The following SLC6A20 variants were observed in gnomAD, a reference collection of about 807,000 sequenced individuals.
SLC6A20 encodes sodium- and chloride-dependent transporter XTRP3.
Under a neutral mutation model 64.3 loss-of-function variants are expected in SLC6A20, and 73 were observed. The observed-to-expected ratio is 1.14, with a 90% confidence interval of 0.94 to 1.38. SLC6A20 has a LOEUF of 1.38. Ranked by LOEUF, SLC6A20 falls within the 40% of genes most tolerant of loss-of-function variation. The pLI, the probability that SLC6A20 is intolerant of heterozygous loss-of-function variation, is 0.00. For missense variants in SLC6A20, 725 were observed against 772.8 expected (o/e 0.94, Z 0.73); for synonymous variants, 347 against 329.6 (o/e 1.05, Z -0.57).
chr3:45,773,965 A>G (rs778036620), intron 4 of SLC6A20, among the ~76,000 whole-genome samples: 13 of 152,266 alleles, frequency 8.5e-5, no homozygotes, highest in Non-Finnish European at 1.6e-4. Context: ...CCTTAGGGCC[A>G]GCCCCGAGAA....
intron 7 of SLC6A20, 59 bp downstream of exon 7, chr3:45,770,150 C>T (rs1397645741): frequency 1.3e-6 from 2 of 1,599,608 alleles, no homozygotes; most frequent in Admixed American, 1.7e-5. Flanking sequence ...AGCAGCTCAC[C>T]AAGGTTCCCA....
intron 2 of SLC6A20, 53 bp from the exon 3 acceptor site, chr3:45,780,153 C>G: frequency 6.5e-7 from 1 of 1,526,962 alleles, no homozygotes; most frequent in Non-Finnish European, 8.9e-7. Flanking sequence ...CTTCCCCCTC[C>G]GCCAGGCCCA....
In SLC6A20 at chr3:45,759,042, AG is replaced by A; in HGVS notation, c.1714del (p.Leu572TrpfsTer49). On this transcript the variant is annotated frameshift_variant, in exon 11 of 11. Transcript: ENST00000358525. LOFTEE classifies it low-confidence loss of function (END_TRUNC). ...LVASSTMCIP[L>X]AALGTFVQRR... The stretch of plus-strand genomic sequence containing the variant: ...CTGAACAAAAGTCCCCAGGGCCGCC[AG>A]GGGGATGCACATGGTGGAGGAGGCC... 1 of 1,612,430 alleles carries A rather than the reference AG, an allele frequency of 6.2e-7. No individual in the cohort carries two copies. Among genetic ancestry groups the A allele is most frequent in the Non-Finnish European group, 8.5e-7 (1 of 1,179,430 alleles).
chr3:45,759,335 A>G (rs1411065626), intron 10 of SLC6A20, among the ~76,000 whole-genome samples: 3 of 152,328 alleles, frequency 2.0e-5, no homozygotes, highest in African/African-American at 7.2e-5. Context: ...TCCATAAACT[A>G]GGAATAATAG....
intron 4 of SLC6A20, among the ~76,000 whole-genome samples, chr3:45,773,112 C>A (rs1052374945): frequency 6.6e-6 from 1 of 151,942 alleles, no homozygotes; most frequent in South Asian, 2.1e-4. Flanking sequence ...GGCCTACACA[C>A]AAAGCAGGAA....
intron 1 of SLC6A20, among the ~76,000 whole-genome samples, chr3:45,785,637 C>CTCTCAA (rs1700158251): frequency 6.6e-6 from 1 of 151,766 alleles, no homozygotes; most frequent in Non-Finnish European, 1.5e-5. Flanking sequence ...CTCTCTCTCT[C>CTCTCAA]TCTCTCTCTT....
Position 45,765,577 on chromosome 3 carries a change from GCTGT to G in SLC6A20, c.1259_1262del (p.Asp420AlafsTer66), listed in dbSNP as rs1255784069. 6.2e-7 allele frequency: 1 copy of G among 1,614,086 alleles called. No individual in the cohort carries two copies. The highest frequency in any genetic ancestry group is 8.5e-7 in the Non-Finnish European group (1 of 1,179,994). On this transcript the variant is annotated frameshift_variant, in exon 8 of 11. Transcript: ENST00000358525. LOFTEE classifies it high-confidence loss of function. This position sits in a 1 kb window ranked among gnomAD's most constrained non-coding sequence, Gnocchi z 4.2. ...TGGGCAGGTGGCTGGAGATGATCTT[GCTGT>G]CTGTCAGAGGGGTGAGGATGGCCGC...
At chr3:45,790,497 C>G (rs1407311374) in intron 1 of SLC6A20, 3 of 152,170 alleles carry the variant, frequency 2.0e-5, no homozygotes, top group Admixed American at 1.3e-4. Flanking sequence ...CCAAAAGTTT[C>G]CCATTTGGAG....
At chr3:45,772,692 C>T (rs1699896798) in intron 4 of SLC6A20, 77 bp from the exon 5 acceptor site, 2 of 1,181,104 alleles carry the variant, frequency 1.7e-6, no homozygotes, top group East Asian at 5.0e-5. Context: ...CATGGAACAC[C>T]ACATCTGGGG....
At chr3:45,775,494 T>C (rs897212706) in intron 4 of SLC6A20, among the ~76,000 whole-genome samples, 4 of 152,122 alleles carry the variant, frequency 2.6e-5, no homozygotes, top group African/African-American at 9.7e-5. Context: ...GGCTGACTGC[T>C]ACAGAAAAAC....
rs1699637465 is a variant in SLC6A20 at position 45,759,929 on chromosome 3, G to A, written c.1557C>T (p.Ser519=). 1.2e-6 allele frequency: 2 copies of A among 1,614,160 alleles called. No individual in the cohort carries two copies. Among genetic ancestry groups the A allele is most frequent in the Non-Finnish European group, 1.7e-6 (2 of 1,180,030 alleles). ...WAGVSPLLIV[S]LFVFYLSDYI... ...AGTCGCTCAGGTAGAAGACAAAGAG[G>A]CTGACAATCAGCAGTGGGCTTACGC... The change falls in exon 10 of 11, where the codon AGC becomes AGT. Residue 519 remains serine, a synonymous_variant. Coordinates refer to ENST00000358525, the MANE Select transcript of SLC6A20 (RefSeq NM_020208.4).
At chr3:45,769,882 A>G (rs1575427481) in intron 7 of SLC6A20, among the ~76,000 whole-genome samples, 1 of 152,190 alleles carries the variant, frequency 6.6e-6, no homozygotes, top group Non-Finnish European at 1.5e-5. Context: ...CAAAATGACA[A>G]AATGTTTACA....
intron 4 of SLC6A20, among the ~76,000 whole-genome samples, chr3:45,774,404 A>C (rs1302849570): frequency 2.0e-5 from 3 of 152,180 alleles, no homozygotes; most frequent in African/African-American, 7.2e-5. Context: ...AAATTACAAA[A>C]ACATTTTTTA....
At chr3:45,796,254 A>G (rs960481673) in intron 1 of SLC6A20, 45 bp downstream of exon 1, 1 of 1,558,972 alleles carries the variant, frequency 6.4e-7, no homozygotes, top group Non-Finnish European at 8.7e-7. Context: ...CACGGCGGGG[A>G]CGCGCACAGA....
chr3:45,771,843 G>T, intron 5 of SLC6A20: 1 of 243,438 alleles, frequency 4.1e-6, no homozygotes, highest in Non-Finnish European at 8.0e-6. Context: ...ACACAAATGG[G>T]GCCCTGATTC....
chr3:45,761,102 G>A (rs925039380), intron 9 of SLC6A20, among the ~76,000 whole-genome samples: 4 of 152,316 alleles, frequency 2.6e-5, no homozygotes, highest in African/African-American at 9.6e-5. Context: ...TGCTGCTGAC[G>A]TAGTTGGACT....
At chr3:45,771,140 C>T (rs1699855476) in intron 6 of SLC6A20, 77 bp downstream of exon 6, 12 of 1,590,788 alleles carry the variant, frequency 7.5e-6, no homozygotes, top group Middle Eastern at 1.8e-4. Flanking sequence ...GTGCACTTTG[C>T]CCCAGCCCTT....
rs565582081 is a variant in SLC6A20 at position 45,761,226 on chromosome 3, C to A, written c.1464-1204G>T. ...CTTGTCCCTTCACACCCCCATAACC[C>A]CCCCCCCTTTCCTGGATGGAGAAAG... On this transcript the variant is annotated intron_variant, in intron 9 of 10. Coordinates refer to ENST00000358525, the MANE Select transcript of SLC6A20 (RefSeq NM_020208.4). Among the ~76,000 whole-genome samples, 262 of 151,722 alleles carry A rather than the reference C, an allele frequency of 1.7e-3. 4 individuals are homozygous for A. Among genetic ancestry groups the A allele is most frequent in the Admixed American group, 0.016 (241 of 15,268 alleles).
intron 8 of SLC6A20, among the ~76,000 whole-genome samples, chr3:45,764,061 G>A (rs1699729934): frequency 6.6e-6 from 1 of 152,188 alleles, no homozygotes; most frequent in Non-Finnish European, 1.5e-5. Flanking sequence ...TGGGAGCTGG[G>A]TTTGATTCAT....
Sources: gnomAD v4.1 joint callset for allele counts (sites outside exome capture counted in the v4.1 genomes callset) on GRCh38, gnomAD v4.1.1 for gene constraint, Gnocchi (gnomAD v3.1) non-coding constraint, MANE v1.5 for transcripts, NCBI Gene and HGNC (gene_info 2026-07-23, HGNC 2026-07-21) for gene names.